Variants in ZNF350 observed in about 807,000 individuals in gnomAD.
ZNF350 encodes the protein KRAB zinc finger protein ZFQR.
A neutral mutation model predicts 13.1 loss-of-function variants in ZNF350; 5 were observed. The observed-to-expected ratio is 0.38, with a 90% CI of 0.20 to 0.80. The LOEUF (loss-of-function observed/expected upper bound fraction) is 0.80, where lower values mean the gene tolerates loss of function less well. ZNF350 is among the 30% of genes least tolerant of loss of function. ZNF350 has a pLI of 0.43. For missense variants in ZNF350, 534 were observed against 644.2 expected (o/e 0.83, Z 1.85); for synonymous variants, 199 against 224.2 (o/e 0.89, Z 1.00).
chr19:51,965,759 T>C lies in ZNF350; in HGVS notation c.694A>G (p.Lys232Glu). 1 of 1,613,956 alleles carries C rather than the reference T, an allele frequency of 6.2e-7. No homozygotes were observed. Among genetic ancestry groups the C allele is most frequent in the Non-Finnish European group, 8.5e-7 (1 of 1,179,856 alleles). Residue 232 changes from lysine (K) to glutamate (E), a missense_variant, in exon 5 of 5, where the codon AAA (lysine) becomes GAA (glutamate). Lys to Glu is a moderately conservative substitution (Grantham distance 56). Coordinates refer to ENST00000243644, the MANE Select transcript of ZNF350 (RefSeq NM_021632.4). ...TCACATAGACTACATCTGTGGGGTT[T>C]CTCTCCTGTATGCATTACCTGGTGA... Reference protein sequence around the residue: ...TDHQVMHTGEKPHRCSLCEKA... With the variant: ...TDHQVMHTGEEPHRCSLCEKA...
At chr19:51,981,521 C>T (rs951391229) in intron 1 of ZNF350, among the ~76,000 whole-genome samples, 1 of 152,196 alleles carries the variant, frequency 6.6e-6, no homozygotes, top group African/African-American at 2.4e-5. Context: ...CCTTCAACTC[C>T]GGATCTCATC....
Position 51,976,746 on chromosome 19 carries a change from C to A in ZNF350, c.-171-2215G>T, listed in dbSNP as rs2085906935. On this transcript the variant is annotated intron_variant, in intron 1 of 4. Transcript: ENST00000243644. This position sits in a 1 kb window ranked among gnomAD's most constrained non-coding sequence, Gnocchi z 4.5. ...CAGGTTAATTCGCAGACACTAACCT[C>A]CTGCAGAAGCCACAAAAGGTTATTA... 1 of 152,202 alleles carries A rather than the reference C, an allele frequency of 6.6e-6. No individual in the cohort carries two copies. The highest frequency in any genetic ancestry group is 2.1e-4 in the South Asian group (1 of 4,836). 9.4% of individuals were successfully genotyped at this position (152,202 alleles called of 1,614,324 possible). A position where few individuals can be genotyped will look rare whatever the true frequency, so the allele number is the denominator to read the frequency against.
Position 51,968,625 on chromosome 19 carries a change from T to G in ZNF350, c.191A>C (p.Glu64Ala). The G allele has an allele frequency of 6.2e-7, 1 of 1,614,166 alleles. No individual in the cohort carries two copies. The highest frequency in any genetic ancestry group is 2.2e-5 in the East Asian group (1 of 44,874). ...TCCATCTTCAATTGTCCACAGTTGTTCTCCTTGTTCCAACTTGAAGAGTGC... is the reference window on the plus strand; with the variant it reads ...TCCATCTTCAATTGTCCACAGTTGTGCTCCTTGTTCCAACTTGAAGAGTGC... ...PDALFKLEQGEQLWTIEDGIH... is the reference protein window; with the variant it reads ...PDALFKLEQGAQLWTIEDGIH... The change falls in exon 4 of 5, where the codon GAA becomes GCA. Residue 64 changes from glutamate (E) to alanine (A), a missense_variant. Glu to Ala is a moderately radical substitution (Grantham distance 107). Coordinates refer to ENST00000243644, the MANE Select transcript of ZNF350 (RefSeq NM_021632.4).
chr19:51,977,862 T>A (rs2085938289), intron 1 of ZNF350, among the ~76,000 whole-genome samples: 2 of 152,180 alleles, frequency 1.3e-5, no homozygotes, highest in South Asian at 4.1e-4. Flanking sequence ...AAAGTTAGCA[T>A]AAGCAATGGC....
chr19:51,966,309 AG>A (rs1568476828), intron 4 of ZNF350, 95 bp from the exon 5 acceptor site: 2 of 1,297,926 alleles, frequency 1.5e-6, no homozygotes, highest in Admixed American at 2.7e-5. Context: ...TTTAAGATGG[AG>A]TTTTACTCCG....
At chr19:51,982,145 T>C (rs994692615) in intron 1 of ZNF350, 1 of 152,054 alleles carries the variant, frequency 6.6e-6, no homozygotes, top group Non-Finnish European at 1.5e-5. Context: ...CCACTTGCTA[T>C]GTAGGCTCTA....
In ZNF350 at chr19:51,976,015, C is replaced by G. The variant is rs747662500; in HGVS notation, c.-171-1484G>C. ...GACTGCTCCGGCTGATGAAGGTTTG[C>G]TGGAGGCAATCACTCCCTGGCGCCG... On this transcript the variant is annotated intron_variant, in intron 1 of 4. Coordinates refer to ENST00000243644, the MANE Select transcript of ZNF350 (RefSeq NM_021632.4). This position sits in a 1 kb window ranked among gnomAD's most constrained non-coding sequence, Gnocchi z 4.5. Among the ~76,000 whole-genome samples the G allele has an allele frequency of 1.1e-4, 17 of 152,242 alleles. No individual in the cohort carries two copies. The highest frequency in any genetic ancestry group is 4.6e-4 in the Admixed American group (7 of 15,286).
At chr19:51,970,677 C>T (rs772892862) in intron 2 of ZNF350, among the ~76,000 whole-genome samples, 4 of 152,062 alleles carry the variant, frequency 2.6e-5, no homozygotes, top group Non-Finnish European at 5.9e-5. Context: ...AGGAGAAAAT[C>T]AAGTAATGGA....
At position 51,964,800 on chromosome 19, in the gene ZNF350, A is replaced by G; in HGVS notation, c.*54T>C. 6.4e-7 allele frequency: 1 copy of G among 1,554,656 alleles called. No individual in the cohort carries two copies. Among genetic ancestry groups the G allele is most frequent in the Non-Finnish European group, 8.7e-7 (1 of 1,148,062 alleles). ...CTCAGTGTATGCTTTTCGGCCACAT[A>G]ATGAACTACAAATTTTTGCTCAACC... On this transcript the variant is annotated 3_prime_UTR_variant, in exon 5 of 5. Transcript: ENST00000243644.
In ZNF350 at chr19:51,968,665, C is replaced by CAT; in HGVS notation, c.150_151insAT (p.Ala51MetfsTer48). Reference sequence around the variant, plus strand: ...TTGAAGAGTGCATCCGGTTTGCTGGCTTGATACCCTGTTCATGGAAAATGA... The same window carrying CAT: ...TTGAAGAGTGCATCCGGTTTGCTGGCATTTGATACCCTGTTCATGGAAAATGA... On this transcript the variant is annotated frameshift_variant, in exon 4 of 5. Coordinates refer to ENST00000243644, the MANE Select transcript of ZNF350 (RefSeq NM_021632.4). LOFTEE classifies it high-confidence loss of function. 3 of 1,614,070 alleles carry CAT rather than the reference C, an allele frequency of 1.9e-6. No individual in the cohort carries two copies. Among genetic ancestry groups the CAT allele is most frequent in the Non-Finnish European group, 2.5e-6 (3 of 1,179,988 alleles).
chr19:51,982,042 GAAAA>G (rs542839024), intron 1 of ZNF350: 1 of 151,202 alleles, frequency 6.6e-6, no homozygotes, highest in East Asian at 1.9e-4. Context: ...CTGAAAAAAA[GAAAA>G]AAGAAAAAAT....
chr19:51,978,794 T>C (rs1283092344), intron 1 of ZNF350, among the ~76,000 whole-genome samples: 1 of 152,202 alleles, frequency 6.6e-6, no homozygotes, highest in East Asian at 1.9e-4. Context: ...TTATTTACTT[T>C]AAATTTTCTG....
intron 2 of ZNF350, among the ~76,000 whole-genome samples, chr19:51,971,209 C>A (rs561386881): frequency 1.3e-5 from 2 of 152,324 alleles, no homozygotes; most frequent in African/African-American, 4.8e-5. Context: ...AGTGAACACA[C>A]TTGGTAGATG....
Position 51,974,545 on chromosome 19 carries a change from A to G in ZNF350, c.-171-14T>C, listed in dbSNP as rs113313746. 1.6e-6 allele frequency: 1 copy of G among 638,102 alleles called. No homozygotes were observed. The allele number at this position is 638,102 out of a possible 1,614,324, so 39.5% of individuals were successfully genotyped here. A position where few individuals can be genotyped will look rare whatever the true frequency, so the allele number is the denominator to read the frequency against. On this transcript the variant is annotated splice_polypyrimidine_tract_variant and intron_variant, in intron 1 of 4. Coordinates refer to ENST00000243644, the MANE Select transcript of ZNF350 (RefSeq NM_021632.4). Reference sequence around the variant, plus strand: ...AGGAGTCAGAACCTGTGGGTTGAAGAGCAAATTCAATGTAAGTGGTACATT... The same window carrying G: ...AGGAGTCAGAACCTGTGGGTTGAAGGGCAAATTCAATGTAAGTGGTACATT...
chr19:51,968,538 A>C, intron 4 of ZNF350, 40 bp downstream of exon 4: 3 of 1,575,246 alleles, frequency 1.9e-6, no homozygotes, highest in Non-Finnish European at 2.6e-6. Flanking sequence ...ACTGTCTAGA[A>C]TGTGACTTCC....
chr19:51,978,372 C>T (rs1461719060), intron 1 of ZNF350, among the ~76,000 whole-genome samples: 1 of 152,198 alleles, frequency 6.6e-6, no homozygotes, highest in Non-Finnish European at 1.5e-5. Flanking sequence ...GCTGCCTTAA[C>T]TTGCAAGGCA....
chr19:51,977,160 T>C (rs375411536), intron 1 of ZNF350, among the ~76,000 whole-genome samples: 6 of 152,228 alleles, frequency 3.9e-5, no homozygotes, highest in South Asian at 2.1e-4. Flanking sequence ...CCTTAGGACA[T>C]TGTGCTTTTC....
At chr19:51,970,770 ACT>A (rs1231282298) in intron 2 of ZNF350, among the ~76,000 whole-genome samples, 1 of 152,198 alleles carries the variant, frequency 6.6e-6, no homozygotes, top group African/African-American at 2.4e-5. Context: ...AAATCCAACA[ACT>A]TTTCAAGCAA....
Position 51,965,798 on chromosome 19 carries a change from A to G in ZNF350, c.655T>C (p.Ser219Pro). 1 of 1,613,910 alleles carries G rather than the reference A, an allele frequency of 6.2e-7. No homozygotes were observed. The highest frequency in any genetic ancestry group is 1.3e-5 in the African/African-American group (1 of 74,956). Residue 219 changes from serine to proline, a missense_variant, in exon 5 of 5, where the codon TCT becomes CCT. Transcript: ENST00000243644. The stretch of plus-strand genomic sequence containing the variant: ...ATTACCTGGTGATCAGTTAGCCAAG[A>G]CTTCTTGATGAAGGCTTTCCCACAT... Reference protein sequence around the residue: ...SECGKAFIKKSWLTDHQVMHT... With the variant: ...SECGKAFIKKPWLTDHQVMHT...
Sources: gnomAD v4.1 joint callset for allele counts (sites outside exome capture counted in the v4.1 genomes callset) on GRCh38, gnomAD v4.1.1 for gene constraint, Gnocchi (gnomAD v3.1) non-coding constraint, MANE v1.5 for transcripts, NCBI Gene and HGNC (gene_info 2026-07-23, HGNC 2026-07-21) for gene names.